Variants in GATB observed in about 807,000 individuals in gnomAD.
The protein encoded by GATB is glutamyl-tRNA amidotransferase subunit B.
Under a neutral mutation model 62.3 loss-of-function variants are expected in GATB, and 39 were observed. The ratio of observed to expected loss-of-function variants is 0.63; its 90% confidence interval spans 0.48 to 0.82. The LOEUF is 0.82. GATB is among the 40% of genes least tolerant of loss of function. The probability of loss-of-function intolerance (pLI) is 0.00; values close to 1 mark genes in which losing one functional copy is unlikely to be tolerated. For missense variants in GATB, 670 were observed against 684.0 expected, an observed-to-expected ratio of 0.98 and a Z score of 0.23; for synonymous variants, 276 against 258.9, an observed-to-expected ratio of 1.07 and a Z score of -0.63.
chr4:151,676,204 A>T (rs1224706566), intron 11 of GATB: 1 of 152,240 alleles, frequency 6.6e-6, no homozygotes, highest in East Asian at 1.9e-4. Flanking sequence ...AGAAAAAGAC[A>T]TCTAGTCATT....
At chr4:151,753,466 A>G (rs531562203) in intron 2 of GATB, among the ~76,000 whole-genome samples, 12 of 151,598 alleles carry the variant, frequency 7.9e-5, no homozygotes, top group Non-Finnish European at 1.6e-4. Flanking sequence ...TCCACCTACC[A>G]TCTCTCTCTC....
intron 2 of GATB, among the ~76,000 whole-genome samples, chr4:151,740,437 G>A (rs1000940085): frequency 6.6e-6 from 1 of 152,174 alleles, no homozygotes; most frequent in African/African-American, 2.4e-5. Flanking sequence ...GTAGGCAACT[G>A]TAACACAACA....
intron 6 of GATB, among the ~76,000 whole-genome samples, chr4:151,705,576 C>G (rs998942501): frequency 6.6e-6 from 1 of 152,138 alleles, no homozygotes; most frequent in African/African-American, 2.4e-5. Flanking sequence ...ATATCTCGGT[C>G]TGAGATTGCT....
chr4:151,715,228 G>T (rs948809148), intron 5 of GATB, among the ~76,000 whole-genome samples: 5 of 152,174 alleles, frequency 3.3e-5, no homozygotes, highest in East Asian at 1.9e-4. Flanking sequence ...CCTATATTTT[G>T]TCTCCTCTCC....
intron 9 of GATB, among the ~76,000 whole-genome samples, chr4:151,693,503 C>T (rs1027080501): frequency 3.8e-5 from 4 of 104,746 alleles, no homozygotes; most frequent in Non-Finnish European, 5.7e-5. Flanking sequence ...GGAAACACGA[C>T]CCCCCCCTCA....
Position 151,719,508 on chromosome 4 carries a change from C to A in GATB, c.358G>T (p.Val120Leu), listed in dbSNP as rs1385918147. 6.2e-6 allele frequency: 10 copies of A among 1,610,756 alleles called. No homozygotes were observed. In the South Asian group the frequency reaches 1.0e-4, roughly 16 times the overall value. Residue 120 changes from valine to leucine, a missense_variant, in exon 3 of 13, where the codon GTG becomes TTG. By Grantham distance (32) the Val-to-Leu change is conservative. Coordinates refer to ENST00000263985, the MANE Select transcript of GATB (RefSeq NM_004564.3). ...VLNRRCVEAA[V>L]MTGLALNCHI... ...CAGTTCAGAGCCAGGCCTGTCATCA[C>A]CGCCGCTTCTACACACCTCCTGTTG...
At chr4:151,733,044 G>C (rs187014285) in intron 2 of GATB, among the ~76,000 whole-genome samples, 2 of 151,860 alleles carry the variant, frequency 1.3e-5, no homozygotes, top group African/African-American at 4.8e-5. Flanking sequence ...GACAATCTAA[G>C]GTCACACCTC....
chr4:151,685,870 A>G (rs891822111), intron 10 of GATB, among the ~76,000 whole-genome samples: 5 of 145,928 alleles, frequency 3.4e-5, no homozygotes, highest in African/African-American at 1.3e-4. Flanking sequence ...CAACATGGTG[A>G]AACCCTGTCT....
At chr4:151,686,652 G>GCCCCTCC (rs1312222191) in intron 10 of GATB, among the ~76,000 whole-genome samples, 1 of 70,922 alleles carries the variant, frequency 1.4e-5, no homozygotes, top group Admixed American at 1.4e-4. Flanking sequence ...TCCCCGCCCC[G>GCCCCTCC]CCCCCCCCCC....
intron 5 of GATB, among the ~76,000 whole-genome samples, chr4:151,712,148 A>G (rs1250823096): frequency 1.3e-5 from 2 of 152,232 alleles, no homozygotes; most frequent in East Asian, 3.8e-4. Flanking sequence ...TCTCTCCCAG[A>G]GAAGACTACA....
intron 2 of GATB, chr4:151,720,833 G>C (rs1163013114): frequency 1.3e-5 from 2 of 152,128 alleles, no homozygotes; most frequent in Non-Finnish European, 2.9e-5. Context: ...TCAGGGACTG[G>C]CTCTTTAGGC....
chr4:151,685,422 G>A (rs983471793), intron 10 of GATB, among the ~76,000 whole-genome samples: 7 of 152,180 alleles, frequency 4.6e-5, no homozygotes, highest in African/African-American at 1.2e-4. Context: ...ATGGGTTCAT[G>A]GCTGAATCCC....
intron 9 of GATB, among the ~76,000 whole-genome samples, chr4:151,696,016 A>C (rs942226287): frequency 2.7e-5 from 4 of 149,212 alleles, no homozygotes; most frequent in African/African-American, 1.0e-4. Flanking sequence ...CCTGGCCAAA[A>C]GTGATCCTCT....
At chr4:151,672,536 C>T in intron 12 of GATB, 2 of 539,214 alleles carry the variant, frequency 3.7e-6, no homozygotes, top group Non-Finnish European at 6.6e-6. Context: ...AGAGTAAACT[C>T]CAGGGGTGGC....
At chr4:151,700,822 G>T (rs1738587474) in intron 9 of GATB, among the ~76,000 whole-genome samples, 1 of 152,190 alleles carries the variant, frequency 6.6e-6, no homozygotes, top group Non-Finnish European at 1.5e-5. Context: ...GCAGCCTCAA[G>T]CCTCAAAGGA....
At position 151,670,765 on chromosome 4, in the gene GATB, A is replaced by G. The variant is rs1737837770; in HGVS notation, c.*409T>C. ...TCTCTCTTGACCACTGCTAATGCCCATCACCTACAATGGCTGGCCCTTAGG... is the reference window on the plus strand; with the variant it reads ...TCTCTCTTGACCACTGCTAATGCCCGTCACCTACAATGGCTGGCCCTTAGG... On this transcript the variant is annotated 3_prime_UTR_variant, in exon 13 of 13. Transcript: ENST00000263985. 1 of 168,296 alleles carries G rather than the reference A, an allele frequency of 5.9e-6. No individual in the cohort carries two copies. Among genetic ancestry groups the G allele is most frequent in the African/African-American group, 2.4e-5 (1 of 42,132 alleles). The allele number at this position is 168,296 out of a possible 1,614,324, so 10.4% of individuals were successfully genotyped here. A position where few individuals can be genotyped will look rare whatever the true frequency, so the allele number is the denominator to read the frequency against.
At chr4:151,671,326 T>A (rs912892793) in intron 12 of GATB, 24 bp from the exon 13 acceptor site, 2 of 1,611,122 alleles carry the variant, frequency 1.2e-6, no homozygotes, top group Non-Finnish European at 8.5e-7. Context: ...AATTACTTAC[T>A]TAAGAGGAGA....
intron 1 of GATB, among the ~76,000 whole-genome samples, chr4:151,760,108 G>C (rs543125287): frequency 6.6e-6 from 1 of 152,238 alleles, no homozygotes; most frequent in East Asian, 1.9e-4. Context: ...TCCTCCAACT[G>C]AAAGTAAAAA....
rs1312222191 is a variant in GATB, at chr4:151,686,652, G to GCCCCGGCC, written c.1331+1977_1331+1978insGGCCGGGG. On this transcript the variant is annotated intron_variant, in intron 10 of 12. Coordinates refer to ENST00000263985, the MANE Select transcript of GATB (RefSeq NM_004564.3). The stretch of plus-strand genomic sequence containing the variant: ...CTTCTGTGTCACCAGTCCCCGCCCC[G>GCCCCGGCC]CCCCCCCCCCACCCCCCAGTTTCCT... Among the ~76,000 whole-genome samples, 73 of 70,976 alleles carry GCCCCGGCC rather than the reference G, an allele frequency of 1.0e-3. 4 individuals carry two copies. Among genetic ancestry groups the GCCCCGGCC allele is most frequent in the African/African-American group, 4.2e-3 (66 of 15,808 alleles). The allele number at this position is 70,976 out of a possible 152,430, so 46.6% of individuals were successfully genotyped here. A position where few individuals can be genotyped will look rare whatever the true frequency, so the allele number is the denominator to read the frequency against.
Sources: allele counts gnomAD v4.1 joint callset (sites outside exome capture counted in the v4.1 genomes callset), GRCh38; gene constraint gnomAD v4.1.1; transcripts MANE v1.5; gene names NCBI Gene and HGNC (gene_info 2026-07-23, HGNC 2026-07-21).